UBAP2: variants seen among roughly 807,000 people sequenced by gnomAD.
UBAP2 encodes ubiquitin-associated protein 2.
Under a neutral mutation model 139.6 loss-of-function variants are expected in UBAP2, and 75 were observed. That is an observed-to-expected ratio of 0.54 (90% CI 0.45 to 0.65). UBAP2 has a LOEUF of 0.65. Ranked by LOEUF, UBAP2 falls within the 30% of genes least tolerant of loss-of-function variation. The pLI, the probability that UBAP2 is intolerant of heterozygous loss-of-function variation, is 0.00. For missense variants in UBAP2, 1,368 were observed against 1,369.6 expected (o/e 1.00, Z 0.02); for synonymous variants, 526 against 526.2 (o/e 1.00, Z 0.01).
Position 33,996,309 on chromosome 9 carries a change from G to C in UBAP2, c.202C>G (p.Gln68Glu). 6.2e-7 allele frequency: 1 copy of C among 1,613,452 alleles called. No individual in the cohort carries two copies. The stretch of plus-strand genomic sequence containing the variant: ...TGTAGGGCCACTATGCATTCATCCT[G>C]ATTTTTCCCTGTCACTTCCATAAGC... ...KQLMEVTGKN[Q>E]DECIVALHDC... The change falls in exon 4 of 29, where the codon CAG becomes GAG. Residue 68 changes from glutamine (Q) to glutamate (E), a missense_variant. Gln to Glu is a conservative substitution (Grantham distance 29, BLOSUM62 2). Transcript: ENST00000379238.
intron 20 of UBAP2, 90 bp downstream of exon 20, chr9:33,927,707 C>A: frequency 7.1e-7 from 1 of 1,414,388 alleles, no homozygotes. Context: ...GCCTGAGACT[C>A]TCCTGACACC....
intron 1 of UBAP2, among the ~76,000 whole-genome samples, chr9:34,033,286 A>G (rs1826044013): frequency 6.6e-6 from 1 of 152,218 alleles, no homozygotes; most frequent in Non-Finnish European, 1.5e-5. Context: ...AGCCATAAAA[A>G]AGAATGAGAT....
chr9:34,030,385 G>A, intron 1 of UBAP2, among the ~76,000 whole-genome samples: 1 of 151,630 alleles, frequency 6.6e-6, no homozygotes, highest in Non-Finnish European at 1.5e-5. Flanking sequence ...GAAGGCGGAG[G>A]TTGCAGTGAG....
intron 19 of UBAP2, 43 bp downstream of exon 19, chr9:33,932,518 TC>T: frequency 6.2e-7 from 1 of 1,610,316 alleles, no homozygotes; most frequent in East Asian, 2.2e-5. Flanking sequence ...AGCTCCAGGC[TC>T]CCCAAGCATG....
chr9:34,038,059 C>CCCA (rs1826604868), intron 1 of UBAP2, among the ~76,000 whole-genome samples: 1 of 149,396 alleles, frequency 6.7e-6, no homozygotes, highest in Admixed American at 6.7e-5. Flanking sequence ...GTCCCAGGTA[C>CCCA]CCAAGAGGCT....
intron 26 of UBAP2, 48 bp downstream of exon 26, chr9:33,923,138 G>T (rs1345869699): frequency 6.2e-7 from 1 of 1,612,554 alleles, no homozygotes; most frequent in African/African-American, 1.3e-5. Context: ...GATCAGGCAG[G>T]AGCCCACCAC....
Position 34,045,073 on chromosome 9 carries a change from C to T in UBAP2, c.-42+3752G>A, listed in dbSNP as rs555215682. Among the ~76,000 whole-genome samples the T allele has an allele frequency of 5.9e-5, 9 of 151,426 alleles. No individual in the cohort carries two copies. In the East Asian group the frequency reaches 1.8e-3, roughly 30 times the overall value. On this transcript the variant is annotated intron_variant, in intron 1 of 28. Transcript: ENST00000379238. ...TACAAACGGGTAAAAAAAGGCTGGG[C>T]GCCGTGGCTCACCCCTGTAATCCCA... is the stretch of plus-strand genomic sequence containing the variant.
At chr9:34,005,275 A>G (rs1823096932) in intron 2 of UBAP2, among the ~76,000 whole-genome samples, 1 of 151,188 alleles carries the variant, frequency 6.6e-6, no homozygotes, top group East Asian at 1.9e-4. Flanking sequence ...GAAAAAAAAA[A>G]AAAAAAAAAA....
chr9:33,932,524 A>G, intron 19 of UBAP2, 38 bp downstream of exon 19: 1 of 1,612,242 alleles, frequency 6.2e-7, no homozygotes, highest in Non-Finnish European at 8.5e-7. Context: ...AGGCTCCCCA[A>G]GCATGGCGGA....
intron 1 of UBAP2, among the ~76,000 whole-genome samples, chr9:34,029,649 A>G (rs1033932072): frequency 2.0e-5 from 3 of 152,094 alleles, no homozygotes; most frequent in African/African-American, 7.2e-5. Flanking sequence ...CAGCCTGGGC[A>G]GCATAGCAAG....
intron 19 of UBAP2, chr9:33,928,767 A>G (rs1823709362): frequency 6.6e-6 from 1 of 152,434 alleles, no homozygotes; most frequent in Non-Finnish European, 1.5e-5. Context: ...GCAAGTCTCA[A>G]AAAAGGGAAG....
chr9:33,992,016 G>A (rs952836736), intron 4 of UBAP2, among the ~76,000 whole-genome samples: 1 of 152,288 alleles, frequency 6.6e-6, no homozygotes, highest in South Asian at 2.1e-4. Flanking sequence ...CACTTTGGGA[G>A]CCCAAGGTGG....
chr9:34,018,602 G>A (rs1050892078), intron 1 of UBAP2, among the ~76,000 whole-genome samples: 4 of 152,282 alleles, frequency 2.6e-5, no homozygotes, highest in East Asian at 3.9e-4. Context: ...GGTCACTCAC[G>A]CCTGTAATCC....
In UBAP2 at chr9:33,953,382, C is replaced by G. The variant is rs1437476427; in HGVS notation, c.959G>C (p.Gly320Ala). The change falls in exon 12 of 29, where the codon GGC (glycine) becomes GCC (alanine). Residue 320 changes from glycine (G) to alanine (A), a missense_variant. Transcript: ENST00000379238. The stretch of plus-strand genomic sequence containing the variant: ...CGAATTTGTGAAGACAAGGGCTTGG[C>G]CAAAGCCCTGCTGTTGGGAAGTTTC... ...SFETSQQQGFGQALVFTNSQH... is the reference protein window; with the variant it reads ...SFETSQQQGFAQALVFTNSQH... 3 of 1,614,116 alleles carry G rather than the reference C, an allele frequency of 1.9e-6. No individual in the cohort carries two copies. Among genetic ancestry groups the G allele is most frequent in the South Asian group, 1.1e-5 (1 of 91,074 alleles).
chr9:33,999,440 C>T (rs951359624), intron 2 of UBAP2, among the ~76,000 whole-genome samples: 13 of 151,956 alleles, frequency 8.6e-5, no homozygotes, highest in Non-Finnish European at 1.8e-4. Context: ...AGGCTTAGAA[C>T]TTTGTGTCAA....
chr9:34,011,985 CAA>C (rs1266457784), intron 2 of UBAP2, among the ~76,000 whole-genome samples: 1 of 54,114 alleles, frequency 1.8e-5, no homozygotes, highest in Non-Finnish European at 4.5e-5. Flanking sequence ...TGCCCACCAC[CAA>C]AGATAAACAT....
chr9:34,030,703 G>A (rs1564071505), intron 1 of UBAP2, among the ~76,000 whole-genome samples: 1 of 152,110 alleles, frequency 6.6e-6, no homozygotes, highest in Non-Finnish European at 1.5e-5. Flanking sequence ...CGGGCGCATG[G>A]ATCACAAGGT....
At chr9:33,961,611 A>T (rs1827050779) in intron 9 of UBAP2, among the ~76,000 whole-genome samples, 1 of 152,250 alleles carries the variant, frequency 6.6e-6, no homozygotes, top group Non-Finnish European at 1.5e-5. Flanking sequence ...ATGCCCATAG[A>T]TAATGGTTTT....
intron 6 of UBAP2, among the ~76,000 whole-genome samples, chr9:33,974,301 A>T (rs7043574): frequency 0.13 from 19,273 of 152,072 alleles, 1,559 homozygotes; most frequent in African/African-American, 0.22. Context: ...TCAGCTCAGG[A>T]GTTCAAGACC....
Sources: allele counts gnomAD v4.1 joint callset (sites outside exome capture counted in the v4.1 genomes callset), GRCh38; gene constraint gnomAD v4.1.1; transcripts MANE v1.5; gene names NCBI Gene and HGNC (gene_info 2026-07-23, HGNC 2026-07-21).